The following GRIN2B variants were observed in gnomAD, a reference collection of about 807,000 sequenced individuals.
The protein encoded by GRIN2B is glutamate ionotropic receptor NMDA type subunit 2B, also known as glutamate receptor ionotropic, NMDA 2B.
GRIN2B carries 5 observed loss-of-function variants against 114.5 expected under a neutral mutation model. That is an observed-to-expected ratio of 0.04 (90% CI 0.02 to 0.09). The LOEUF (loss-of-function observed/expected upper bound fraction) is 0.09. Ranked by LOEUF, GRIN2B falls within the 10% of genes least tolerant of loss-of-function variation. The pLI is 1.00. For synonymous variants in GRIN2B, 787 were observed against 745.1 expected (o/e 1.06, Z -0.92); for missense variants, 1,108 against 1,943.5 (o/e 0.57, Z 8.08).
At chr12:13,625,625 T>G (rs1035977711) in intron 5 of GRIN2B, among the ~76,000 whole-genome samples, 1 of 152,220 alleles carries the variant, frequency 6.6e-6, no homozygotes, top group Non-Finnish European at 1.5e-5. Context: ...TAATTTTTTG[T>G]GCAAGTGGCT....
At chr12:13,639,803 C>T (rs1323640965) in intron 5 of GRIN2B, among the ~76,000 whole-genome samples, 2 of 151,778 alleles carry the variant, frequency 1.3e-5, no homozygotes, top group Non-Finnish European at 2.9e-5. Context: ...TTTGTCTTTT[C>T]TTCTCTCCTT....
chr12:13,542,009 G>A lies in GRIN2B; in HGVS notation c.*20774C>T, dbSNP rs1948284691. ...CTTGTTTTTTTCAGACCCTCCCCAA[G>A]AGTCCTCACTTACCCCCTTTTCATG... On this transcript the variant is annotated 3_prime_UTR_variant, in exon 14 of 14. Coordinates refer to ENST00000609686, the MANE Select transcript of GRIN2B (RefSeq NM_000834.5). The A allele has an allele frequency of 6.6e-6, 1 of 152,016 alleles. No individual in the cohort carries two copies. Among genetic ancestry groups the A allele is most frequent in the South Asian group, 2.1e-4 (1 of 4,818 alleles). The allele number at this position is 152,016 out of a possible 1,614,324, so 9.4% of individuals were successfully genotyped here. A position where few individuals can be genotyped will look rare whatever the true frequency, so the allele number is the denominator to read the frequency against.
intron 5 of GRIN2B, among the ~76,000 whole-genome samples, chr12:13,665,164 TG>T (rs1949961981): frequency 0.029 from 731 of 24,830 alleles, 8 homozygotes; most frequent in African/African-American, 0.051. Flanking sequence ...TGTGTGTGTG[TG>T]TTTGTGTGTG....
chr12:13,937,470 A>G (rs942142068), intron 2 of GRIN2B, among the ~76,000 whole-genome samples: 5 of 147,760 alleles, frequency 3.4e-5, no homozygotes, highest in Admixed American at 2.8e-4. Flanking sequence ...ACCAGAAGAC[A>G]ATGGAATAAT....
At chr12:13,808,748 A>ATATAT (rs1388525573) in intron 3 of GRIN2B, among the ~76,000 whole-genome samples, 5,426 of 110,068 alleles carry the variant, frequency 0.049, 243 homozygotes, top group African/African-American at 0.1. Flanking sequence ...TATAATAAAA[A>ATATAT]AAAAATATAT....
chr12:13,749,302 G>A (rs1424370156), intron 4 of GRIN2B, among the ~76,000 whole-genome samples: 4 of 152,110 alleles, frequency 2.6e-5, no homozygotes, highest in Admixed American at 2.0e-4. Flanking sequence ...CTTTCCCCAC[G>A]TGGAAAGAAA....
At chr12:13,649,283 C>G (rs575495895) in intron 5 of GRIN2B, among the ~76,000 whole-genome samples, 4 of 152,180 alleles carry the variant, frequency 2.6e-5, no homozygotes, top group Admixed American at 2.0e-4. Flanking sequence ...GGGACTCGCT[C>G]TTCTCTACTG....
chr12:13,678,045 T>C (rs763357876), intron 4 of GRIN2B, among the ~76,000 whole-genome samples: 16 of 152,036 alleles, frequency 1.1e-4, no homozygotes, highest in Non-Finnish European at 2.4e-4. Flanking sequence ...CTAAGAAAAA[T>C]GTTCAGAGTC....
At position 13,780,081 on chromosome 12, in the gene GRIN2B, C is replaced by A. The variant is rs1330741400; in HGVS notation, c.412-26166G>T. ...AAATTCTCTCTCCAGAAACTCATTT[C>A]TCAGCCACTGCTTTTTCTCAGTTGC... On this transcript the variant is annotated intron_variant, in intron 3 of 13. Transcript: ENST00000609686. 3.9e-5 allele frequency among the ~76,000 whole-genome samples: 6 copies of A among 152,154 alleles called. No homozygotes were observed. The East Asian group carries it at 9.6e-4, about 24-fold the overall frequency.
intron 2 of GRIN2B, among the ~76,000 whole-genome samples, chr12:13,909,704 G>T (rs1257577883): frequency 6.6e-6 from 1 of 152,166 alleles, no homozygotes; most frequent in African/African-American, 2.4e-5. Context: ...ATAAGAAAGT[G>T]CCTTAAGGTG....
intron 10 of GRIN2B, among the ~76,000 whole-genome samples, chr12:13,591,553 GT>G (rs1248960251): frequency 1.3e-5 from 2 of 152,144 alleles, no homozygotes; most frequent in Non-Finnish European, 2.9e-5. Flanking sequence ...TCTTGTCTTA[GT>G]TTTCTCTACT....
intron 2 of GRIN2B, among the ~76,000 whole-genome samples, chr12:13,877,459 T>C (rs1365558958): frequency 6.6e-6 from 1 of 152,230 alleles, no homozygotes; most frequent in Non-Finnish European, 1.5e-5. Flanking sequence ...ATTGTGAACT[T>C]GTTAAAATCC....
intron 3 of GRIN2B, among the ~76,000 whole-genome samples, chr12:13,763,738 C>T (rs1565528709): frequency 2.0e-5 from 3 of 152,172 alleles, no homozygotes; most frequent in Admixed American, 6.5e-5. Context: ...GGCAGGCAAC[C>T]CCATGGCAGG....
chr12:13,724,497 G>A (rs1024107331), intron 4 of GRIN2B, among the ~76,000 whole-genome samples: 22 of 152,068 alleles, frequency 1.4e-4, no homozygotes, highest in Admixed American at 1.2e-3. Flanking sequence ...CTGGGTTGAT[G>A]GCCTAGGGGA....
In GRIN2B at chr12:13,743,381, A is replaced by G. The variant is rs1292726738; in HGVS notation, c.1010+9936T>C. On this transcript the variant is annotated intron_variant, in intron 4 of 13. Coordinates refer to ENST00000609686, the MANE Select transcript of GRIN2B (RefSeq NM_000834.5). ...GTGAACACATGTGAGCACGTGTGAC[A>G]GAAGTGAGGACAATGACCCCGTGCA... Among the ~76,000 whole-genome samples, 6 of 152,188 alleles carry G rather than the reference A, an allele frequency of 3.9e-5. No homozygotes were observed. The South Asian group carries it at 8.3e-4, about 21-fold the overall frequency.
intron 4 of GRIN2B, among the ~76,000 whole-genome samples, chr12:13,711,007 A>C (rs1013016780): frequency 2.0e-5 from 3 of 152,184 alleles, no homozygotes; most frequent in Non-Finnish European, 2.9e-5. Flanking sequence ...CCAAAACAGC[A>C]TGGTACTGGT....
intron 2 of GRIN2B, among the ~76,000 whole-genome samples, chr12:13,929,405 A>T (rs946638800): frequency 2.6e-5 from 4 of 152,130 alleles, no homozygotes; most frequent in African/African-American, 9.7e-5. Context: ...TTACCAGTCC[A>T]TTTCTGCACT....
chr12:13,858,401 T>C (rs1865699184), intron 3 of GRIN2B, among the ~76,000 whole-genome samples: 1 of 152,210 alleles, frequency 6.6e-6, no homozygotes, highest in Non-Finnish European at 1.5e-5. Flanking sequence ...TCCTGCATGC[T>C]AGACCTTTAA....
At chr12:13,842,279 C>T (rs767898449) in intron 3 of GRIN2B, among the ~76,000 whole-genome samples, 11 of 152,190 alleles carry the variant, frequency 7.2e-5, no homozygotes, top group Non-Finnish European at 8.8e-5. Context: ...CTTCAATTAA[C>T]GTAGGTGGGT....
Sources: allele counts gnomAD v4.1 joint callset (sites outside exome capture counted in the v4.1 genomes callset), GRCh38; gene constraint gnomAD v4.1.1; transcripts MANE v1.5; gene names NCBI Gene and HGNC (gene_info 2026-07-23, HGNC 2026-07-21).